TXNRD1: variants seen among roughly 807,000 people sequenced by gnomAD.
TXNRD1 encodes thioredoxin reductase 1, cytoplasmic.
TXNRD1 carries 57 observed loss-of-function variants against 80.3 expected under a neutral mutation model. The ratio of observed to expected loss-of-function variants is 0.71; its 90% confidence interval spans 0.57 to 0.89. TXNRD1 has a LOEUF of 0.89. Among genes scored for constraint, TXNRD1 ranks in the 40% least tolerant of loss-of-function variants. The probability of loss-of-function intolerance (pLI) is 0.00; values close to 1 mark genes in which losing one functional copy is unlikely to be tolerated. For missense variants in TXNRD1, 730 were observed against 803.0 expected (o/e 0.91, Z 1.10); for synonymous variants, 291 against 285.2 (o/e 1.02, Z -0.20).
At chr12:104,236,579 CG>C (rs2032742471) in intron 1 of TXNRD1, among the ~76,000 whole-genome samples, 1 of 152,074 alleles carries the variant, frequency 6.6e-6, no homozygotes, top group African/African-American at 2.4e-5. Flanking sequence ...CACCTGAGGT[CG>C]GGAGTTTGAG....
chr12:104,223,792 A>T (rs1414290016), intron 1 of TXNRD1, among the ~76,000 whole-genome samples: 1 of 152,190 alleles, frequency 6.6e-6, no homozygotes, highest in Admixed American at 6.5e-5. Context: ...GTGAGGAGGG[A>T]GCATGAACTG....
chr12:104,331,765 A>G (rs776433194), intron 14 of TXNRD1, 124 bp downstream of exon 14: 4 of 622,554 alleles, frequency 6.4e-6, no homozygotes, highest in East Asian at 2.8e-5. Flanking sequence ...CCAGATTCAT[A>G]TATTACTAAC....
intron 3 of TXNRD1, among the ~76,000 whole-genome samples, chr12:104,287,759 A>G (rs1246454033): frequency 6.6e-6 from 1 of 152,164 alleles, no homozygotes; most frequent in African/African-American, 2.4e-5. Context: ...CGCGTCGACC[A>G]CATTGCCTGG....
Position 104,311,330 on chromosome 12 carries a change from A to G in TXNRD1, c.455A>G (p.Asn152Ser), listed in dbSNP as rs1259306332. The change falls in exon 5 of 17, where the codon AAC becomes AGC. Residue 152 changes from asparagine (N) to serine (S), a missense_variant. Coordinates refer to ENST00000525566, the MANE Select transcript of TXNRD1 (RefSeq NM_001093771.3). ...EGRLQKLLKM[N>S]GPEDLPKSYD... ...AGACTTCAAAAGCTACTAAAAATGA[A>G]CGGCCCTGAAGATCTTCCCAAGTCC... 6.2e-7 allele frequency: 1 copy of G among 1,610,906 alleles called. No homozygotes were observed. Among genetic ancestry groups the G allele is most frequent in the Non-Finnish European group, 8.5e-7 (1 of 1,178,378 alleles).
At chr12:104,255,939 T>C (rs1169044284) in intron 2 of TXNRD1, among the ~76,000 whole-genome samples, 1 of 152,182 alleles carries the variant, frequency 6.6e-6, no homozygotes, top group Admixed American at 6.5e-5. Flanking sequence ...GCCAGTTAAT[T>C]TGGAAATTAA....
At chr12:104,345,701 A>G (rs1233356937) in intron 16 of TXNRD1, among the ~76,000 whole-genome samples, 1 of 152,114 alleles carries the variant, frequency 6.6e-6, no homozygotes, top group Non-Finnish European at 1.5e-5. Context: ...ACATTTGAAA[A>G]TACTTCCTTG....
At chr12:104,287,648 A>G (rs1226847636) in intron 3 of TXNRD1, among the ~76,000 whole-genome samples, 1 of 152,106 alleles carries the variant, frequency 6.6e-6, no homozygotes, top group African/African-American at 2.4e-5. Flanking sequence ...GCTCAGAAAG[A>G]TCAAGTGGCG....
At chr12:104,302,324 G>A (rs1259971221) in intron 4 of TXNRD1, among the ~76,000 whole-genome samples, 3 of 151,592 alleles carry the variant, frequency 2.0e-5, no homozygotes, top group Admixed American at 2.0e-4. Context: ...AAGGAAGGTA[G>A]GGCTAATTTA....
chr12:104,311,648 T>A (rs10861193), intron 5 of TXNRD1, among the ~76,000 whole-genome samples: 73,448 of 151,548 alleles, frequency 0.48, 18,222 homozygotes, highest in East Asian at 0.62. Context: ...TTGGAACACG[T>A]TTCCGTTCAC....
At position 104,318,907 on chromosome 12, in the gene TXNRD1, A is replaced by G. The variant is rs765568539; in HGVS notation, c.731-6A>G. Reference sequence around the variant, plus strand: ...AAACAAGATTTTGTTTTATTTTCTTATACAGTTAAGCATGATTGGGACAGA... The same window carrying G: ...AAACAAGATTTTGTTTTATTTTCTTGTACAGTTAAGCATGATTGGGACAGA... On this transcript the variant is annotated splice_polypyrimidine_tract_variant and splice_region_variant and intron_variant, in intron 7 of 16. Transcript: ENST00000525566. 12 of 1,599,330 alleles carry G rather than the reference A, an allele frequency of 7.5e-6. No individual in the cohort carries two copies. Among genetic ancestry groups the G allele is most frequent in the Admixed American group, 3.6e-5 (2 of 55,360 alleles).
chr12:104,268,723 G>A (rs568372491), intron 3 of TXNRD1, among the ~76,000 whole-genome samples: 1 of 151,620 alleles, frequency 6.6e-6, no homozygotes, highest in Non-Finnish European at 1.5e-5. Context: ...CACCACATTG[G>A]CCAGGCTGGT....
intron 1 of TXNRD1, among the ~76,000 whole-genome samples, chr12:104,220,320 A>G (rs1263458284): frequency 6.6e-6 from 1 of 152,344 alleles, no homozygotes. Flanking sequence ...GTTGATTTTA[A>G]CCAGGTAATT....
At chr12:104,277,753 G>A (rs188542968) in intron 3 of TXNRD1, among the ~76,000 whole-genome samples, 17 of 151,970 alleles carry the variant, frequency 1.1e-4, no homozygotes, top group South Asian at 6.2e-4. Flanking sequence ...TGTTTTTACC[G>A]GTTTTTAGCC....
At chr12:104,224,338 G>A (rs1297331980) in intron 1 of TXNRD1, among the ~76,000 whole-genome samples, 1 of 152,038 alleles carries the variant, frequency 6.6e-6, no homozygotes, top group Non-Finnish European at 1.5e-5. Context: ...ATAGTGTATT[G>A]TGTAGCATTC....
intron 1 of TXNRD1, among the ~76,000 whole-genome samples, chr12:104,230,593 G>GCTTA (rs2032598916): frequency 6.6e-6 from 1 of 152,120 alleles, no homozygotes; most frequent in South Asian, 2.1e-4. Flanking sequence ...ATTTTCATGT[G>GCTTA]CTTACTGTTT....
chr12:104,288,803 C>T lies in TXNRD1; in HGVS notation c.305-128C>T, dbSNP rs750871862. 4 of 1,590,728 alleles carry T rather than the reference C, an allele frequency of 2.5e-6. No individual in the cohort carries two copies. In the African/African-American group the frequency reaches 5.4e-5, roughly 21 times the overall value. ...AAATGCAGCAAGTCATGCTAACTTG[C>T]AAGGGAGTCAACAGAGGGCACGCGG... On this transcript the variant is annotated intron_variant, in intron 3 of 16. Transcript: ENST00000525566.
intron 3 of TXNRD1, among the ~76,000 whole-genome samples, chr12:104,281,965 G>A (rs1244965842): frequency 1.3e-5 from 2 of 152,146 alleles, no homozygotes; most frequent in Non-Finnish European, 2.9e-5. Context: ...TCTTGGATAA[G>A]TCAAGCAGAC....
chr12:104,272,158 A>G (rs2033664783), intron 3 of TXNRD1, among the ~76,000 whole-genome samples: 1 of 152,218 alleles, frequency 6.6e-6, no homozygotes, highest in Admixed American at 6.5e-5. Context: ...AGTTACTTCT[A>G]TAGAAGGGTG....
intron 4 of TXNRD1, among the ~76,000 whole-genome samples, chr12:104,307,238 T>A (rs575519543): frequency 2.0e-5 from 3 of 152,344 alleles, no homozygotes; most frequent in African/African-American, 4.8e-5. Context: ...TGCTTGTTTC[T>A]TGCTAATACG....
Sources: allele counts gnomAD v4.1 joint callset (sites outside exome capture counted in the v4.1 genomes callset), GRCh38; gene constraint gnomAD v4.1.1; transcripts MANE v1.5; gene names NCBI Gene and HGNC (gene_info 2026-07-23, HGNC 2026-07-21).